The following STK32B variants were observed in gnomAD, a reference collection of about 807,000 sequenced individuals.
The protein encoded by STK32B is serine/threonine kinase 32B, also known as serine/threonine-protein kinase 32B.
In STK32B, 43 loss-of-function variants were observed where a neutral mutation model predicts 52.6. The ratio of observed to expected loss-of-function variants is 0.82; its 90% confidence interval spans 0.64 to 1.05. The LOEUF is 1.05. Ranked by LOEUF, STK32B falls within the 50% of genes least tolerant of loss-of-function variation. The pLI is 0.00. For missense variants in STK32B, 621 were observed against 534.6 expected, an observed-to-expected ratio of 1.16 and a Z score of -1.59; for synonymous variants, 238 against 204.3, an observed-to-expected ratio of 1.17 and a Z score of -1.41.
At position 5,106,533 on chromosome 4, in the gene STK32B, G is replaced by A. The variant is rs536950958; in HGVS notation, c.53-33372G>A. Among the ~76,000 whole-genome samples, 9 of 152,230 alleles carry A rather than the reference G, an allele frequency of 5.9e-5. No homozygotes were observed. In the South Asian group the frequency reaches 1.7e-3, roughly 28 times the overall value. ...TAGATTTTTGCAGAGGTGTGAAATA[G>A]AGGTCTTTATCACACTTAATAAAAT... On this transcript the variant is annotated intron_variant, in intron 1 of 11. Transcript: ENST00000282908.
At chr4:5,084,188 A>T (rs1712593922) in intron 1 of STK32B, among the ~76,000 whole-genome samples, 1 of 152,180 alleles carries the variant, frequency 6.6e-6, no homozygotes, top group Admixed American at 6.5e-5. Flanking sequence ...GAATTAGTGA[A>T]TGTCTTCAAT....
chr4:5,102,709 T>C (rs1339699655), intron 1 of STK32B, among the ~76,000 whole-genome samples: 2 of 150,974 alleles, frequency 1.3e-5, no homozygotes, highest in Middle Eastern at 3.4e-3. Context: ...TTTTTTTTTT[T>C]GTTTTTAATT....
intron 3 of STK32B, among the ~76,000 whole-genome samples, chr4:5,187,628 G>C (rs1472635095): frequency 6.8e-6 from 1 of 147,816 alleles, no homozygotes; most frequent in Non-Finnish European, 1.5e-5. Context: ...CGGGGGAGGG[G>C]GGGGACAAGC....
At chr4:5,486,415 G>A (rs966848836) in intron 11 of STK32B, among the ~76,000 whole-genome samples, 5 of 152,202 alleles carry the variant, frequency 3.3e-5, no homozygotes, top group African/African-American at 7.2e-5. Context: ...CTGGTGTGCC[G>A]TTTGCTAAGA....
Position 5,133,813 on chromosome 4 carries a change from C to T in STK32B, c.53-6092C>T, listed in dbSNP as rs535186734. On this transcript the variant is annotated intron_variant, in intron 1 of 11. Transcript: ENST00000282908. The stretch of plus-strand genomic sequence containing the variant: ...CAGTGGCTTCTGTTTACTGAGTTGC[C>T]CTTTTGCTACGTCACTGTCTATGGC... Among the ~76,000 whole-genome samples, 4 of 152,232 alleles carry T rather than the reference C, an allele frequency of 2.6e-5. No individual in the cohort carries two copies. In the East Asian group the frequency reaches 5.8e-4, roughly 22 times the overall value.
chr4:5,103,467 C>G (rs974432733), intron 1 of STK32B, among the ~76,000 whole-genome samples: 5 of 152,258 alleles, frequency 3.3e-5, no homozygotes, highest in African/African-American at 9.6e-5. Context: ...TATGTTTACT[C>G]ATATGATGCA....
At chr4:5,277,449 A>G (rs1006956177) in intron 3 of STK32B, among the ~76,000 whole-genome samples, 2 of 152,140 alleles carry the variant, frequency 1.3e-5, no homozygotes, top group African/African-American at 4.8e-5. Context: ...GACAGTAGCA[A>G]TTTTAATGGG....
At chr4:5,366,458 T>A (rs950993342) in intron 4 of STK32B, among the ~76,000 whole-genome samples, 2 of 152,162 alleles carry the variant, frequency 1.3e-5, no homozygotes, top group African/African-American at 2.4e-5. Flanking sequence ...AGCTTATTAA[T>A]CTCCTGGATA....
At chr4:5,495,111 G>C (rs1459011244) in intron 11 of STK32B, among the ~76,000 whole-genome samples, 3 of 152,156 alleles carry the variant, frequency 2.0e-5, no homozygotes, top group Non-Finnish European at 2.9e-5. Flanking sequence ...TCGTGAATCT[G>C]AATGTTGGCC....
intron 3 of STK32B, among the ~76,000 whole-genome samples, chr4:5,220,646 G>A (rs954302963): frequency 3.3e-4 from 51 of 152,334 alleles, no homozygotes; most frequent in African/African-American, 1.2e-3. Context: ...TGAGCCTTAG[G>A]AATTTAGATT....
At chr4:5,117,291 T>A (rs1161966537) in intron 1 of STK32B, among the ~76,000 whole-genome samples, 2 of 152,220 alleles carry the variant, frequency 1.3e-5, no homozygotes, top group African/African-American at 4.8e-5. Context: ...ATATATAACC[T>A]TTATTATATT....
chr4:5,485,208 C>T lies in STK32B; in HGVS notation c.1107-13737C>T, dbSNP rs796118290. 1.6e-4 allele frequency among the ~76,000 whole-genome samples: 24 copies of T among 152,172 alleles called. No individual in the cohort carries two copies. The South Asian group carries it at 3.3e-3, about 21-fold the overall frequency. On this transcript the variant is annotated intron_variant, in intron 11 of 11. Coordinates refer to ENST00000282908, the MANE Select transcript of STK32B (RefSeq NM_018401.3). ...TTTTCCAACTTGGTTCCATTCTCCC[C>T]GTCACTTTCAGGTACACCAATCAGA...
the STK32B span, among the ~76,000 whole-genome samples, chr4:5,024,954 T>C: frequency 6.6e-6 from 1 of 152,114 alleles, no homozygotes; most frequent in African/African-American, 2.4e-5. Context: ...GAGCTTTGCA[T>C]GCAATCTCTG....
chr4:5,408,816 A>G (rs559949810), intron 5 of STK32B, among the ~76,000 whole-genome samples: 7 of 152,180 alleles, frequency 4.6e-5, no homozygotes, highest in Non-Finnish European at 1.0e-4. Context: ...AGCAGAGTAG[A>G]GGAAGCAGTG....
chr4:5,467,519 T>C lies in STK32B; in HGVS notation c.1042-487T>C, dbSNP rs1163503006. The stretch of plus-strand genomic sequence containing the variant: ...TAGGGCCTACCTAATTCACTGTGAC[T>C]TCATCTTAACTGGATTACATCTGTA... On this transcript the variant is annotated intron_variant, in intron 10 of 11. Transcript: ENST00000282908. The surrounding 1 kb of genome is among the most constrained non-coding windows in gnomAD (Gnocchi z 5.8). Among the ~76,000 whole-genome samples, 1 of 152,168 alleles carries C rather than the reference T, an allele frequency of 6.6e-6. No individual in the cohort carries two copies. Among genetic ancestry groups the C allele is most frequent in the East Asian group, 1.9e-4 (1 of 5,184 alleles).
the STK32B span, among the ~76,000 whole-genome samples, chr4:5,021,589 A>G: frequency 1.3e-5 from 2 of 152,228 alleles, no homozygotes; most frequent in Non-Finnish European, 2.9e-5. Flanking sequence ...AAACAAGCCC[A>G]TGGACCAAAC....
At chr4:5,335,366 C>G (rs1732586411) in intron 4 of STK32B, among the ~76,000 whole-genome samples, 1 of 152,094 alleles carries the variant, frequency 6.6e-6, no homozygotes. Context: ...ATTCTTCTCT[C>G]TTTTTTTCTT....
At chr4:5,385,448 G>A (rs1159914072) in intron 4 of STK32B, among the ~76,000 whole-genome samples, 1 of 148,518 alleles carries the variant, frequency 6.7e-6, no homozygotes, top group African/African-American at 2.5e-5. Flanking sequence ...GTGAGTGTTG[G>A]AGGGAGGGGG....
In STK32B at chr4:5,467,025, C is replaced by T. The variant is rs1018969; in HGVS notation, c.1041+191C>T. ...TGAAGTAAGGCATTCACACTCCTGGCATTCCTTGAGCGCTATTCCTACAGC... is the reference window on the plus strand; with the variant it reads ...TGAAGTAAGGCATTCACACTCCTGGTATTCCTTGAGCGCTATTCCTACAGC... On this transcript the variant is annotated intron_variant, in intron 10 of 11. Coordinates refer to ENST00000282908, the MANE Select transcript of STK32B (RefSeq NM_018401.3). The surrounding 1 kb of genome is among the most constrained non-coding windows in gnomAD (Gnocchi z 5.8). Among the ~76,000 whole-genome samples, 8,418 of 152,076 alleles carry T rather than the reference C, an allele frequency of 0.055. 560 individuals are homozygous for T. The highest frequency in any genetic ancestry group is 0.35 in the East Asian group (1,814 of 5,144).
Sources: allele counts gnomAD v4.1 joint callset (sites outside exome capture counted in the v4.1 genomes callset), GRCh38; gene constraint gnomAD v4.1.1; non-coding constraint Gnocchi (gnomAD v3.1); transcripts MANE v1.5; gene names NCBI Gene and HGNC (gene_info 2026-07-23, HGNC 2026-07-21).